Variants in ADAMTS19 observed in about 807,000 individuals in gnomAD.
ADAMTS19 encodes ADAM metallopeptidase with thrombospondin type 1 motif 19, also known as A disintegrin and metalloproteinase with thrombospondin motifs 19.
In ADAMTS19, 93 loss-of-function variants were observed where a neutral mutation model predicts 153.3. The observed-to-expected ratio is 0.61, with a 90% CI of 0.51 to 0.72. The LOEUF (loss-of-function observed/expected upper bound fraction) is 0.72. ADAMTS19 is among the 30% of genes least tolerant of loss of function. The pLI, the probability that ADAMTS19 is intolerant of heterozygous loss-of-function variation, is 0.00. For synonymous variants in ADAMTS19, 600 were observed against 556.6 expected (o/e 1.08, Z -1.10); for missense variants, 1,482 against 1,552.1 (o/e 0.95, Z 0.76).
intron 13 of ADAMTS19, among the ~76,000 whole-genome samples, chr5:129,650,797 C>G (rs1458704281): frequency 6.6e-6 from 1 of 152,162 alleles, no homozygotes; most frequent in Non-Finnish European, 1.5e-5. Flanking sequence ...TCATAGCCAT[C>G]TTGAGCTGGT....
chr5:129,569,039 C>T (rs1486855006), intron 7 of ADAMTS19, among the ~76,000 whole-genome samples: 1 of 151,854 alleles, frequency 6.6e-6, no homozygotes, highest in African/African-American at 2.4e-5. Flanking sequence ...AACTGATTAA[C>T]AATTCAAAGA....
chr5:129,462,161 C>T (rs946770706), intron 2 of ADAMTS19, among the ~76,000 whole-genome samples: 4 of 152,186 alleles, frequency 2.6e-5, no homozygotes, highest in Non-Finnish European at 5.9e-5. Flanking sequence ...GTGTTTGCGC[C>T]GCACTCTCAG....
chr5:129,724,348 C>A (rs79734514), intron 21 of ADAMTS19, among the ~76,000 whole-genome samples: 1 of 152,066 alleles, frequency 6.6e-6, no homozygotes, highest in East Asian at 1.9e-4. Context: ...TCTTTTTTAA[C>A]GTTAATGCTG....
chr5:129,714,287 CG>C (rs1366070931), intron 21 of ADAMTS19, among the ~76,000 whole-genome samples: 2 of 150,414 alleles, frequency 1.3e-5, no homozygotes, highest in African/African-American at 4.9e-5. Flanking sequence ...GGCGCGGTGG[CG>C]GGCGCCTGTA....
At chr5:129,492,611 G>GA (rs371596035) in intron 2 of ADAMTS19, among the ~76,000 whole-genome samples, 1 of 150,062 alleles carries the variant, frequency 6.7e-6, no homozygotes, top group Non-Finnish European at 1.5e-5. Context: ...TAATAAATTT[G>GA]AAAAAAAAGA....
intron 6 of ADAMTS19, among the ~76,000 whole-genome samples, chr5:129,547,756 A>C (rs1432945570): frequency 5.3e-5 from 8 of 150,534 alleles, no homozygotes; most frequent in Admixed American, 4.6e-4. Context: ...GAGGCATCAC[A>C]CTACCTGACT....
At chr5:129,677,150 G>GAT (rs1561643493) in intron 16 of ADAMTS19, among the ~76,000 whole-genome samples, 1 of 152,042 alleles carries the variant, frequency 6.6e-6, no homozygotes, top group Non-Finnish European at 1.5e-5. Flanking sequence ...AAATTATAAA[G>GAT]TTCAATAGGA....
chr5:129,575,553 C>A (rs2126872413), intron 7 of ADAMTS19, among the ~76,000 whole-genome samples: 1 of 152,160 alleles, frequency 6.6e-6, no homozygotes, highest in South Asian at 2.1e-4. Context: ...TAAATAACTT[C>A]TTTGGCTTGT....
chr5:129,461,651 C>A lies in ADAMTS19; in HGVS notation c.641C>A (p.Ser214Tyr). Residue 214 changes from serine to tyrosine, a missense_variant, in exon 2 of 23, where the codon TCC (serine) becomes TAC (tyrosine). Ser to Tyr is a moderately radical substitution (Grantham distance 144). Around this residue, in one of 2 missense-constraint regions of ADAMTS19, gnomAD observed 866 missense variants for 827.7 expected, o/e 1.05. Coordinates refer to ENST00000274487, the MANE Select transcript of ADAMTS19 (RefSeq NM_133638.6). The surrounding 1 kb of genome is among the most constrained non-coding windows in gnomAD (Gnocchi z 4.6). ...NPGPGPTGAA[S>Y]APQPPAPPDA... ...GGCCCCGGCCCCACGGGGGCAGCAT[C>A]CGCCCCGCAACCTCCCGCGCCACCA... is the stretch of plus-strand genomic sequence containing the variant. 6.3e-7 allele frequency: 1 copy of A among 1,590,878 alleles called. No individual in the cohort carries two copies. Among genetic ancestry groups the A allele is most frequent in the Non-Finnish European group, 8.5e-7 (1 of 1,174,532 alleles).
chr5:129,605,880 T>A (rs1372533773), intron 8 of ADAMTS19, among the ~76,000 whole-genome samples: 2 of 152,198 alleles, frequency 1.3e-5, no homozygotes, highest in African/African-American at 4.8e-5. Context: ...GGTAAAATTA[T>A]ATGAGTTAGG....
At chr5:129,732,824 C>T (rs1757499748) in intron 21 of ADAMTS19, among the ~76,000 whole-genome samples, 1 of 151,962 alleles carries the variant, frequency 6.6e-6, no homozygotes, top group African/African-American at 2.4e-5. Flanking sequence ...TCCTGAAATT[C>T]ATACAGAACT....
chr5:129,693,220 C>T (rs192459149), intron 18 of ADAMTS19, among the ~76,000 whole-genome samples: 13 of 152,268 alleles, frequency 8.5e-5, no homozygotes, highest in African/African-American at 2.9e-4. Context: ...CAACCAGTTG[C>T]CTCTTACCAT....
chr5:129,460,388 C>T lies in ADAMTS19; in HGVS notation c.-4C>T. ...GCGAGAAGCCGCGGCCGCGGGAGCG[C>T]AGTATGGGGAAGAACCGCGAGATGC... is the stretch of plus-strand genomic sequence containing the variant. On this transcript the variant is annotated 5_prime_UTR_variant, in exon 1 of 23. Coordinates refer to ENST00000274487, the MANE Select transcript of ADAMTS19 (RefSeq NM_133638.6). 6.2e-7 allele frequency: 1 copy of T among 1,613,108 alleles called. No homozygotes were observed. Among genetic ancestry groups the T allele is most frequent in the Non-Finnish European group, 8.5e-7 (1 of 1,179,712 alleles).
At chr5:129,675,902 C>A (rs925111380) in intron 16 of ADAMTS19, among the ~76,000 whole-genome samples, 8 of 152,100 alleles carry the variant, frequency 5.3e-5, no homozygotes, top group Admixed American at 4.6e-4. Context: ...GTGGCAAGCA[C>A]CAGTAATTCT....
At chr5:129,574,402 C>T (rs1231179423) in intron 7 of ADAMTS19, among the ~76,000 whole-genome samples, 6 of 151,900 alleles carry the variant, frequency 3.9e-5, no homozygotes, top group African/African-American at 1.2e-4. Context: ...ATTGACTCAT[C>T]CTCTAAGTTC....
At chr5:129,700,977 C>T (rs926182148) in intron 19 of ADAMTS19, among the ~76,000 whole-genome samples, 7 of 151,622 alleles carry the variant, frequency 4.6e-5, no homozygotes, top group Non-Finnish European at 8.8e-5. Flanking sequence ...GGTAGTGATA[C>T]GCTTTGACTG....
chr5:129,539,804 C>G (rs768426119), intron 6 of ADAMTS19, among the ~76,000 whole-genome samples: 6 of 151,978 alleles, frequency 3.9e-5, no homozygotes, highest in Non-Finnish European at 8.8e-5. Flanking sequence ...ATATAAAATA[C>G]TGACGAATAC....
At chr5:129,591,936 A>G (rs1561589474) in intron 7 of ADAMTS19, among the ~76,000 whole-genome samples, 1 of 152,126 alleles carries the variant, frequency 6.6e-6, no homozygotes, top group Admixed American at 6.5e-5. Flanking sequence ...GGAGTCTGTG[A>G]TCATCTTATG....
intron 2 of ADAMTS19, among the ~76,000 whole-genome samples, chr5:129,505,621 A>G (rs1751244749): frequency 2.0e-5 from 3 of 152,178 alleles, no homozygotes; most frequent in African/African-American, 2.4e-5. Flanking sequence ...AGCCACATAA[A>G]TAGAGAAAAA....
Sources: allele counts gnomAD v4.1 joint callset (sites outside exome capture counted in the v4.1 genomes callset), GRCh38; gene constraint gnomAD v4.1.1; regional missense constraint gnomAD v4.1.1; non-coding constraint Gnocchi (gnomAD v3.1); transcripts MANE v1.5; gene names NCBI Gene and HGNC (gene_info 2026-07-23, HGNC 2026-07-21).